The following SAXO4 variants were observed in gnomAD, a reference collection of about 807,000 sequenced individuals.
SAXO4 encodes stabilizer of axonemal microtubules 4, also known as protein phosphatase 1 regulatory subunit 32.
chr11:61,483,446 G>A, the SAXO4 span, among the ~76,000 whole-genome samples: 3,925 of 151,784 alleles, frequency 0.026, 174 homozygotes, highest in African/African-American at 0.087. Context: ...GATTACAGGC[G>A]TGAGCCACTG....
the SAXO4 span, among the ~76,000 whole-genome samples, chr11:61,485,591 C>A: frequency 6.6e-6 from 1 of 152,190 alleles, no homozygotes; most frequent in Non-Finnish European, 1.5e-5. Flanking sequence ...AGGAGGGTGG[C>A]TTGGCCGGTG....
chr11:61,489,701 AG>A, the SAXO4 span: 1 of 1,463,788 alleles, frequency 6.8e-7, no homozygotes, highest in Non-Finnish European at 9.5e-7. Context: ...GGGCGATCTG[AG>A]GGTCGATGGA....
chr11:61,485,767 G>T, the SAXO4 span: 44 of 1,553,442 alleles, frequency 2.8e-5, no homozygotes, highest in Non-Finnish European at 5.3e-6. Flanking sequence ...GGGCCAGGTG[G>T]CCTGGCAGCA....
At chr11:61,484,146 G>A in the SAXO4 span, among the ~76,000 whole-genome samples, 8,111 of 152,240 alleles carry the variant, frequency 0.053, 748 homozygotes, top group African/African-American at 0.18. Flanking sequence ...GGGAGGCTGA[G>A]GCACAAGAAT....
chr11:61,489,675 C>T, the SAXO4 span: 1 of 1,185,388 alleles, frequency 8.4e-7, no homozygotes, highest in Non-Finnish European at 1.2e-6. Flanking sequence ...ACAGCATGAG[C>T]AAAGGTGGGG....
chr11:61,490,751 G>A, the SAXO4 span: 2 of 637,356 alleles, frequency 3.1e-6, no homozygotes, highest in South Asian at 3.6e-5. Context: ...TCTCTGCCAG[G>A]CAAGCACACA....
chr11:61,482,654 G>C, the SAXO4 span: 4 of 1,613,976 alleles, frequency 2.5e-6, no homozygotes, highest in Admixed American at 6.7e-5. Flanking sequence ...CTCACCCTCA[G>C]GGAACAAGCC....
chr11:61,483,941 T>TAA, the SAXO4 span, among the ~76,000 whole-genome samples: 18 of 150,178 alleles, frequency 1.2e-4, no homozygotes, highest in African/African-American at 3.4e-4. Context: ...AGACTTGGAC[T>TAA]AAAAAAAAAT....
chr11:61,488,609 CACA>C, the SAXO4 span, among the ~76,000 whole-genome samples: 8 of 152,342 alleles, frequency 5.3e-5, no homozygotes, highest in Non-Finnish European at 8.8e-5. Flanking sequence ...AAGCTTTCCT[CACA>C]ACATCAGTCA....
At chr11:61,484,806 A>G in the SAXO4 span, 2 of 1,594,134 alleles carry the variant, frequency 1.3e-6, no homozygotes, top group Admixed American at 3.5e-5. Context: ...GAGCGGGAGA[A>G]CTTCCGACAT....
chr11:61,490,574 C>G, the SAXO4 span: 50 of 1,613,772 alleles, frequency 3.1e-5, no homozygotes, highest in South Asian at 5.4e-4. Flanking sequence ...CAGCTGAGCC[C>G]TGAGCCCTTG....
chr11:61,487,550 G>T, the SAXO4 span, among the ~76,000 whole-genome samples: 1 of 152,320 alleles, frequency 6.6e-6, no homozygotes, highest in African/African-American at 2.4e-5. Flanking sequence ...CCAGTCAAAG[G>T]TGAGAGAGCT....
At chr11:61,488,462 G>A in the SAXO4 span, among the ~76,000 whole-genome samples, 1 of 151,788 alleles carries the variant, frequency 6.6e-6, no homozygotes. Flanking sequence ...CTGCCACCAC[G>A]CCCGGCTACA....
At chr11:61,490,241 G>A in the SAXO4 span, among the ~76,000 whole-genome samples, 1 of 152,180 alleles carries the variant, frequency 6.6e-6, no homozygotes, top group Non-Finnish European at 1.5e-5. Context: ...CAGATCCAGA[G>A]GGGGATGCGG....
At chr11:61,482,850 G>A in the SAXO4 span, 4 of 1,549,984 alleles carry the variant, frequency 2.6e-6, no homozygotes, top group Admixed American at 2.0e-5. Flanking sequence ...GCCTCAGGGT[G>A]GGGTGGGGCT....
the SAXO4 span, chr11:61,485,863 G>A: frequency 6.2e-7 from 1 of 1,614,056 alleles, no homozygotes; most frequent in Non-Finnish European, 8.5e-7. Context: ...AGTCCCACCA[G>A]AGCCCCATTG....
At chr11:61,487,472 T>G in the SAXO4 span, among the ~76,000 whole-genome samples, 1 of 152,084 alleles carries the variant, frequency 6.6e-6, no homozygotes, top group Non-Finnish European at 1.5e-5. Context: ...AATGAGCATG[T>G]TACTAGGCCA....
the SAXO4 span, chr11:61,490,534 C>T: frequency 6.2e-7 from 1 of 1,614,172 alleles, no homozygotes. Flanking sequence ...TCTACCAGAA[C>T]ACACCTCACA....
chr11:61,484,903 T>C, the SAXO4 span: 1 of 1,452,926 alleles, frequency 6.9e-7, no homozygotes, highest in Non-Finnish European at 9.1e-7. Context: ...AGTATTGCAC[T>C]GACTCACCCA....
Sources: allele counts gnomAD v4.1 joint callset (sites outside exome capture counted in the v4.1 genomes callset), GRCh38; gene constraint gnomAD v4.1.1; transcripts MANE v1.5; gene names NCBI Gene and HGNC (gene_info 2026-07-23, HGNC 2026-07-21).